The following OPCML variants were observed in gnomAD, a reference collection of about 807,000 sequenced individuals.
OPCML encodes the protein opioid binding protein/cell adhesion molecule like.
OPCML carries 13 observed loss-of-function variants against 37.8 expected under a neutral mutation model. The observed-to-expected ratio is 0.34, with a 90% CI of 0.22 to 0.55. OPCML has a LOEUF of 0.55. Ranked by LOEUF, OPCML falls within the 20% of genes least tolerant of loss-of-function variation. The probability of loss-of-function intolerance (pLI) is 0.91; values close to 1 mark genes in which losing one functional copy is unlikely to be tolerated. For synonymous variants in OPCML, 176 were observed against 168.8 expected (o/e 1.04, Z -0.33); for missense variants, 341 against 435.6 (o/e 0.78, Z 1.93).
chr11:132,838,035 T>C (rs936898994), intron 2 of OPCML, among the ~76,000 whole-genome samples: 2 of 152,240 alleles, frequency 1.3e-5, no homozygotes, highest in Non-Finnish European at 2.9e-5. Flanking sequence ...GTTTACAGAT[T>C]GCATACGGCC....
At chr11:133,185,573 A>C (rs1029936212) in intron 1 of OPCML, among the ~76,000 whole-genome samples, 1 of 152,214 alleles carries the variant, frequency 6.6e-6, no homozygotes, top group Non-Finnish European at 1.5e-5. Context: ...ATAATCTGGA[A>C]GGTTAAATCT....
chr11:133,475,417 G>GT (rs1330519022), intron 1 of OPCML, among the ~76,000 whole-genome samples: 2 of 151,584 alleles, frequency 1.3e-5, no homozygotes, highest in Non-Finnish European at 2.9e-5. Flanking sequence ...ATCTTCTTTT[G>GT]TTTTTTTATC....
At chr11:133,026,809 T>TA (rs925683360) in intron 1 of OPCML, among the ~76,000 whole-genome samples, 36 of 151,894 alleles carry the variant, frequency 2.4e-4, no homozygotes, top group Admixed American at 4.6e-4. Flanking sequence ...GCTTCATATT[T>TA]AAAAAAAAAT....
At chr11:133,140,823 A>AGAAGAC (rs1555102423) in intron 1 of OPCML, among the ~76,000 whole-genome samples, 3 of 31,696 alleles carry the variant, frequency 9.5e-5, no homozygotes, top group African/African-American at 2.0e-4. Flanking sequence ...ACGAAGAAGA[A>AGAAGAC]GACGACGACG....
intron 4 of OPCML, among the ~76,000 whole-genome samples, chr11:132,441,014 G>A (rs1034159393): frequency 2.0e-5 from 3 of 151,956 alleles, no homozygotes; most frequent in Non-Finnish European, 2.9e-5. Flanking sequence ...TTAAAGGAAG[G>A]AAAACGGGCA....
intron 3 of OPCML, among the ~76,000 whole-genome samples, chr11:132,537,474 A>C (rs2137343677): frequency 6.6e-6 from 1 of 152,354 alleles, no homozygotes; most frequent in East Asian, 1.9e-4. Context: ...GTAAGGGCTA[A>C]AACTTAGAAG....
chr11:132,728,155 G>A (rs769737164), intron 2 of OPCML, among the ~76,000 whole-genome samples: 9 of 152,204 alleles, frequency 5.9e-5, no homozygotes, highest in Non-Finnish European at 1.0e-4. Flanking sequence ...CACCTGTGCC[G>A]GCGCAGCCCG....
At chr11:133,017,322 A>G (rs924065123) in intron 1 of OPCML, among the ~76,000 whole-genome samples, 2 of 152,152 alleles carry the variant, frequency 1.3e-5, no homozygotes, top group African/African-American at 4.8e-5. Flanking sequence ...CAGTCTGTCC[A>G]GGTATTACTC....
intron 3 of OPCML, among the ~76,000 whole-genome samples, chr11:132,566,455 T>G (rs1297802439): frequency 6.6e-6 from 1 of 152,182 alleles, no homozygotes; most frequent in Non-Finnish European, 1.5e-5. Flanking sequence ...TCTAGAGAGG[T>G]GGACAGCTAG....
intron 3 of OPCML, among the ~76,000 whole-genome samples, chr11:132,656,347 C>CA (rs1256087336): frequency 6.6e-6 from 1 of 152,128 alleles, no homozygotes; most frequent in African/African-American, 2.4e-5. Flanking sequence ...TCTTCAGCCC[C>CA]ATTTTTGAGG....
chr11:132,761,913 T>A (rs35249123), intron 2 of OPCML, among the ~76,000 whole-genome samples: 2 of 152,044 alleles, frequency 1.3e-5, no homozygotes, highest in Admixed American at 1.3e-4. Flanking sequence ...ATATTCAGCC[T>A]TTTTGCACTG....
At chr11:132,794,243 G>C (rs1438940129) in intron 2 of OPCML, among the ~76,000 whole-genome samples, 1 of 152,112 alleles carries the variant, frequency 6.6e-6, no homozygotes, top group Non-Finnish European at 1.5e-5. Flanking sequence ...GCATATTTCA[G>C]CATGGCACTT....
rs772092757 is a variant in OPCML at position 132,657,258 on chromosome 11, C to T, written c.208G>A (p.Ala70Thr). The change falls in exon 3 of 8, where the codon GCT becomes ACT. Residue 70 changes from alanine (A) to threonine (T), a missense_variant. Physicochemically the swap from Ala to Thr is moderately conservative, Grantham distance 58. Transcript: ENST00000524381. ...TCTATGGACCACTTGTCATTCCCAGCGTAGAGGATGGTGCTGCGGTTTAGC... is the reference window on the plus strand; with the variant it reads ...TCTATGGACCACTTGTCATTCCCAGTGTAGAGGATGGTGCTGCGGTTTAGC... ...AWLNRSTILY[A>T]GNDKWSIDPR... is the part of the protein sequence containing the mutation. 8 of 1,614,074 alleles carry T rather than the reference C, an allele frequency of 5.0e-6. No individual in the cohort carries two copies. Among genetic ancestry groups the T allele is most frequent in the Non-Finnish European group, 5.1e-6 (6 of 1,180,052 alleles).
intron 2 of OPCML, among the ~76,000 whole-genome samples, chr11:132,757,427 A>G (rs1946092825): frequency 6.6e-6 from 1 of 152,192 alleles, no homozygotes; most frequent in Admixed American, 6.5e-5. Flanking sequence ...ACATTGTAAA[A>G]GCGTTCCTAT....
At chr11:132,833,300 A>G (rs1381115545) in intron 2 of OPCML, among the ~76,000 whole-genome samples, 3 of 152,186 alleles carry the variant, frequency 2.0e-5, no homozygotes, top group Non-Finnish European at 2.9e-5. Flanking sequence ...GTTAAAAACT[A>G]AGACACAAAC....
intron 2 of OPCML, among the ~76,000 whole-genome samples, chr11:132,900,717 T>A (rs1944029082): frequency 6.6e-6 from 1 of 152,174 alleles, no homozygotes; most frequent in South Asian, 2.1e-4. Context: ...TCCTTCTCTA[T>A]GAAACCCTCC....
chr11:132,452,497 ACTTCCTTCCTTC>A, intron 4 of OPCML, among the ~76,000 whole-genome samples: 2 of 96,826 alleles, frequency 2.1e-5, no homozygotes, highest in East Asian at 6.9e-4. Flanking sequence ...TCCCTTCCTC[ACTTCCTTCCTTC>A]CTTCCTTCCT....
chr11:132,565,946 T>C (rs2096421947), intron 3 of OPCML, among the ~76,000 whole-genome samples: 2 of 152,274 alleles, frequency 1.3e-5, no homozygotes, highest in South Asian at 2.1e-4. Context: ...GGCAGGAGAA[T>C]TGCTTGAACC....
chr11:133,133,555 C>G (rs1209614815), intron 1 of OPCML, among the ~76,000 whole-genome samples: 3 of 152,164 alleles, frequency 2.0e-5, no homozygotes, highest in Non-Finnish European at 4.4e-5. Context: ...AGAAGAACCC[C>G]TGATCACCCT....
Sources: allele counts gnomAD v4.1 joint callset (sites outside exome capture counted in the v4.1 genomes callset), GRCh38; gene constraint gnomAD v4.1.1; transcripts MANE v1.5; gene names NCBI Gene and HGNC (gene_info 2026-07-23, HGNC 2026-07-21).